Variants in SPON1 observed in about 807,000 individuals in gnomAD.
SPON1 encodes spondin 1.
A neutral mutation model predicts 111.7 loss-of-function variants in SPON1; 52 were observed. That is an observed-to-expected ratio of 0.47 (90% CI 0.37 to 0.59). The LOEUF is 0.59. SPON1 is among the 20% of genes least tolerant of loss of function. The pLI is 0.00. For missense variants in SPON1, 957 were observed against 1,068.5 expected (o/e 0.90, Z 1.46); for synonymous variants, 410 against 395.8 (o/e 1.04, Z -0.43).
chr11:14,027,191 A>G lies in SPON1; in HGVS notation c.346-14330A>G, dbSNP rs559874804. On this transcript the variant is annotated intron_variant, in intron 2 of 15. Coordinates refer to ENST00000576479, the MANE Select transcript of SPON1 (RefSeq NM_006108.4). ...GGGGTGGGGAGCATCCACAACTCAG[A>G]TGTTTAAAGAGCCAGAGCTGCAAAC... Among the ~76,000 whole-genome samples, 15 of 152,334 alleles carry G rather than the reference A, an allele frequency of 9.8e-5. No homozygotes were observed. The South Asian group carries it at 2.9e-3, about 30-fold the overall frequency.
At chr11:14,009,816 C>T (rs886409430) in intron 2 of SPON1, among the ~76,000 whole-genome samples, 1 of 152,178 alleles carries the variant, frequency 6.6e-6, no homozygotes, top group Non-Finnish European at 1.5e-5. Flanking sequence ...TAAGAGAGCT[C>T]ACTCAGGTCT....
Position 14,088,834 on chromosome 11 carries a change from T to C in SPON1, c.676+8813T>C, listed in dbSNP as rs543814424. 2.0e-5 allele frequency among the ~76,000 whole-genome samples: 3 copies of C among 152,202 alleles called. No individual in the cohort carries two copies. In the South Asian group the frequency reaches 6.2e-4, roughly 32 times the overall value. On this transcript the variant is annotated intron_variant, in intron 5 of 15. Transcript: ENST00000576479. ...TCTTAGAGGCTGTGTTCGTTCCTTT[T>C]CATTCTTTTTTCTCTAATCTAGTCC...
intron 5 of SPON1, among the ~76,000 whole-genome samples, chr11:14,129,268 T>C (rs1323563798): frequency 6.6e-6 from 1 of 152,196 alleles, no homozygotes; most frequent in East Asian, 1.9e-4. Context: ...ACCATCTCTT[T>C]GTGAATGCAT....
At chr11:13,963,825 GA>G (rs1458322041) in intron 1 of SPON1, among the ~76,000 whole-genome samples, 1 of 152,218 alleles carries the variant, frequency 6.6e-6, no homozygotes, top group Non-Finnish European at 1.5e-5. Context: ...TCCCAGTGGG[GA>G]CAGGGTCCTC....
chr11:14,030,245 C>G (rs1554915858), intron 2 of SPON1, among the ~76,000 whole-genome samples: 1 of 152,200 alleles, frequency 6.6e-6, no homozygotes. Context: ...GAAAGGGGGC[C>G]AGGTTATTAG....
intron 6 of SPON1, among the ~76,000 whole-genome samples, chr11:14,172,177 T>C (rs1208625496): frequency 5.9e-5 from 9 of 152,046 alleles, no homozygotes; most frequent in African/African-American, 1.4e-4. Context: ...TGAGTGCTCC[T>C]GTATTGGGTG....
In SPON1 at chr11:14,011,413, C is replaced by T. The variant is rs1251951693; in HGVS notation, c.345+28460C>T. 1.5e-4 allele frequency among the ~76,000 whole-genome samples: 23 copies of T among 152,130 alleles called. No individual in the cohort carries two copies. In the South Asian group the frequency reaches 1.9e-3, roughly 12 times the overall value. On this transcript the variant is annotated intron_variant, in intron 2 of 15. Coordinates refer to ENST00000576479, the MANE Select transcript of SPON1 (RefSeq NM_006108.4). ...GTGTCATCAGAAAAATGCACTCACA[C>T]ACACAATTTTGCTTGTATTTCAGGG...
At chr11:14,111,864 C>T (rs1849229210) in intron 5 of SPON1, among the ~76,000 whole-genome samples, 1 of 151,926 alleles carries the variant, frequency 6.6e-6, no homozygotes, top group Admixed American at 6.5e-5. Flanking sequence ...TTTTGAAATG[C>T]TTATTTTGAT....
chr11:14,025,707 T>C (rs1193227311), intron 2 of SPON1, among the ~76,000 whole-genome samples: 1 of 152,116 alleles, frequency 6.6e-6, no homozygotes, highest in Non-Finnish European at 1.5e-5. Context: ...ACCTGGGTTC[T>C]TGGGGCTGGG....
intron 6 of SPON1, among the ~76,000 whole-genome samples, chr11:14,220,165 T>G (rs1312091035): frequency 6.6e-6 from 1 of 152,078 alleles, no homozygotes; most frequent in Admixed American, 6.6e-5. Context: ...AAAGTCCACT[T>G]GGCATTCCTG....
rs1321257744 is a variant in SPON1 at position 13,989,472 on chromosome 11, T to C, written c.345+6519T>C. On this transcript the variant is annotated intron_variant, in intron 2 of 15. Coordinates refer to ENST00000576479, the MANE Select transcript of SPON1 (RefSeq NM_006108.4). Reference sequence around the variant, plus strand: ...TAGTCTGGCTAGCAGTCTATCTATTTTGTTGATCTTTTCAAAAAAACAGCT... The same window carrying C: ...TAGTCTGGCTAGCAGTCTATCTATTCTGTTGATCTTTTCAAAAAAACAGCT... Among the ~76,000 whole-genome samples the C allele has an allele frequency of 2.6e-5, 4 of 152,310 alleles. No homozygotes were observed. In the East Asian group the frequency reaches 7.7e-4, roughly 29 times the overall value.
chr11:14,135,562 A>T lies in SPON1; in HGVS notation c.819A>T (p.Arg273=). The T allele has an allele frequency of 6.2e-7, 1 of 1,613,420 alleles. No homozygotes were observed. The highest frequency in any genetic ancestry group is 8.5e-7 in the Non-Finnish European group (1 of 1,179,500). ...CCGTGAAAATGGAGGAAGAAATTCG[A>T]CAACAGGTAAGACAAAAAAATCACA... ...GSPVKMEEEI[R]QQSDEVLTVI... Residue 273 remains arginine, a synonymous_variant, in exon 6 of 16, where the codon CGA becomes CGT. Coordinates refer to ENST00000576479, the MANE Select transcript of SPON1 (RefSeq NM_006108.4). The surrounding 1 kb of genome is among the most constrained non-coding windows in gnomAD (Gnocchi z 4.4).
chr11:13,966,341 T>C (rs1037255332), intron 1 of SPON1, among the ~76,000 whole-genome samples: 2 of 152,134 alleles, frequency 1.3e-5, no homozygotes, highest in Non-Finnish European at 1.5e-5. Flanking sequence ...GGGCTTCCCT[T>C]ATACAGGAGG....
chr11:13,990,586 T>G lies in SPON1; in HGVS notation c.345+7633T>G, dbSNP rs181258246. On this transcript the variant is annotated intron_variant, in intron 2 of 15. Coordinates refer to ENST00000576479, the MANE Select transcript of SPON1 (RefSeq NM_006108.4). ...GCCCATTTACATTTAAGTTTAATAT[T>G]ATTATGTGTCAATTTGATCCTGTCA... Among the ~76,000 whole-genome samples, 533 of 152,058 alleles carry G rather than the reference T, an allele frequency of 3.5e-3. 2 individuals are homozygous for G. The highest frequency in any genetic ancestry group is 0.012 in the African/African-American group (497 of 41,480).
Position 14,259,808 on chromosome 11 carries a change from GCATGGCC to G in SPON1, c.1831+113_1831+119del. ...AAGGTCGGAGGCTGAGCAGAGGAAA[GCATGGCC>G]CATGGTCCTTGCTGGGCACTGCTGG... On this transcript the variant is annotated intron_variant, in intron 13 of 15. Coordinates refer to ENST00000576479, the MANE Select transcript of SPON1 (RefSeq NM_006108.4). The surrounding 1 kb of genome is among the most constrained non-coding windows in gnomAD (Gnocchi z 5.0). 1 of 1,287,930 alleles carries G rather than the reference GCATGGCC, an allele frequency of 7.8e-7. No homozygotes were observed. Among genetic ancestry groups the G allele is most frequent in the South Asian group, 1.5e-5 (1 of 67,506 alleles). 79.8% of individuals were successfully genotyped at this position (1,287,930 alleles called of 1,614,324 possible). A position where few individuals can be genotyped will look rare whatever the true frequency, so the allele number is the denominator to read the frequency against.
intron 5 of SPON1, among the ~76,000 whole-genome samples, chr11:14,081,915 G>T (rs1196263370): frequency 6.6e-6 from 1 of 152,098 alleles, no homozygotes; most frequent in Non-Finnish European, 1.5e-5. Context: ...GATCTTAGAA[G>T]CCTCTTTCTA....
At chr11:14,245,400 G>C (rs973232288) in intron 7 of SPON1, among the ~76,000 whole-genome samples, 1 of 152,188 alleles carries the variant, frequency 6.6e-6, no homozygotes. Flanking sequence ...GGCCACTCCA[G>C]GTTTTCCCTT....
intron 5 of SPON1, among the ~76,000 whole-genome samples, chr11:14,100,043 G>A (rs1007292111): frequency 3.9e-5 from 6 of 152,104 alleles, no homozygotes; most frequent in African/African-American, 1.4e-4. Flanking sequence ...TCCAATACTG[G>A]GGGTTACATT....
intron 6 of SPON1, among the ~76,000 whole-genome samples, chr11:14,171,403 T>C (rs1236627410): frequency 6.6e-6 from 1 of 152,236 alleles, no homozygotes; most frequent in Non-Finnish European, 1.5e-5. Flanking sequence ...TTAGTCTTGC[T>C]AGCAGTCTAT....
Sources: allele counts gnomAD v4.1 joint callset (sites outside exome capture counted in the v4.1 genomes callset), GRCh38; gene constraint gnomAD v4.1.1; non-coding constraint Gnocchi (gnomAD v3.1); transcripts MANE v1.5; gene names NCBI Gene and HGNC (gene_info 2026-07-23, HGNC 2026-07-21).